The following CLRN3 variants were observed in gnomAD, a reference collection of about 807,000 sequenced individuals.
CLRN3 encodes the protein clarin 3, also known as clarin-3.
CLRN3 carries 12 observed loss-of-function variants against 16.7 expected under a neutral mutation model. The ratio of observed to expected loss-of-function variants is 0.72; its 90% confidence interval spans 0.46 to 1.16. The LOEUF is 1.16. Among genes scored for constraint, CLRN3 ranks in the 50% most tolerant of loss-of-function variants. CLRN3 has a pLI of 0.00. For missense variants in CLRN3, 296 were observed against 274.2 expected (o/e 1.08, Z -0.56); for synonymous variants, 118 against 113.0 (o/e 1.04, Z -0.28).
At chr10:127,883,953 T>G in intron 1 of CLRN3, 78 bp from the exon 2 acceptor site, 2 of 1,339,488 alleles carry the variant, frequency 1.5e-6, no homozygotes, top group Admixed American at 3.4e-5. Flanking sequence ...CACCCTACCC[T>G]CTTAGTGACT....
chr10:127,885,288 T>A (rs1306184110), intron 1 of CLRN3, among the ~76,000 whole-genome samples: 1 of 152,102 alleles, frequency 6.6e-6, no homozygotes, highest in Non-Finnish European at 1.5e-5. Context: ...CCCCTCCCCT[T>A]TCCCTCCTTG....
chr10:127,881,479 T>A (rs1405207597), intron 2 of CLRN3, among the ~76,000 whole-genome samples: 1 of 152,148 alleles, frequency 6.6e-6, no homozygotes, highest in Admixed American at 6.5e-5. Flanking sequence ...TCCCTGTTGT[T>A]CGGCCGGCGC....
At chr10:127,879,519 C>A (rs1475009842) in intron 2 of CLRN3, among the ~76,000 whole-genome samples, 1 of 151,802 alleles carries the variant, frequency 6.6e-6, no homozygotes, top group Non-Finnish European at 1.5e-5. Flanking sequence ...GTCATGTAGC[C>A]TTTCTGAGCC....
At chr10:127,884,826 C>T (rs775435069) in intron 1 of CLRN3, among the ~76,000 whole-genome samples, 9 of 152,302 alleles carry the variant, frequency 5.9e-5, no homozygotes, top group Non-Finnish European at 1.3e-4. Flanking sequence ...AAGCCCAGCC[C>T]AGCCACGGGC....
intron 1 of CLRN3, among the ~76,000 whole-genome samples, chr10:127,884,395 A>T (rs73374359): frequency 0.02 from 3,063 of 152,338 alleles, 103 homozygotes; most frequent in African/African-American, 0.07. Flanking sequence ...AGCCTAAGAA[A>T]GGTGACCAGG....
At chr10:127,888,027 G>A (rs1354604572) in intron 1 of CLRN3, among the ~76,000 whole-genome samples, 1 of 152,222 alleles carries the variant, frequency 6.6e-6, no homozygotes, top group Admixed American at 6.5e-5. Flanking sequence ...GGCTCCCCAT[G>A]CAGGAAAATG....
At chr10:127,887,643 T>C (rs776955877) in intron 1 of CLRN3, among the ~76,000 whole-genome samples, 2 of 152,194 alleles carry the variant, frequency 1.3e-5, no homozygotes, top group African/African-American at 4.8e-5. Flanking sequence ...TTTTCCGGCT[T>C]TCTGAATTTC....
At chr10:127,889,258 G>C (rs1200650188) in intron 1 of CLRN3, among the ~76,000 whole-genome samples, 1 of 152,142 alleles carries the variant, frequency 6.6e-6, no homozygotes, top group Non-Finnish European at 1.5e-5. Context: ...GGAGGTAGAG[G>C]CTGCAGTGAG....
In CLRN3 at chr10:127,892,929, G is replaced by A; in HGVS notation, c.-145C>T. 3.2e-6 allele frequency: 2 copies of A among 617,166 alleles called. No homozygotes were observed. Among genetic ancestry groups the A allele is most frequent in the Non-Finnish European group, 5.7e-6 (2 of 351,138 alleles). The allele number at this position is 617,166 out of a possible 1,614,324, so 38.2% of individuals were successfully genotyped here. A position where few individuals can be genotyped will look rare whatever the true frequency, so the allele number is the denominator to read the frequency against. On this transcript the variant is annotated 5_prime_UTR_variant, in exon 1 of 3. Coordinates refer to ENST00000368671, the MANE Select transcript of CLRN3 (RefSeq NM_152311.5). ...TAAAATCTCACTCTTCCTGAGGAAG[G>A]GTTATGCTAATGGACATTGAACTCT...
At chr10:127,880,725 C>G (rs1845118482) in intron 2 of CLRN3, among the ~76,000 whole-genome samples, 1 of 152,092 alleles carries the variant, frequency 6.6e-6, no homozygotes, top group Non-Finnish European at 1.5e-5. Context: ...CAAAGCAGAA[C>G]CTGCTTCTTT....
chr10:127,887,127 G>C (rs901258558), intron 1 of CLRN3, among the ~76,000 whole-genome samples: 4 of 152,000 alleles, frequency 2.6e-5, no homozygotes, highest in African/African-American at 7.3e-5. Flanking sequence ...CACTTGTTTT[G>C]AAAGTAATAG....
Position 127,892,640 on chromosome 10 carries a change from T to C in CLRN3, c.145A>G (p.Ile49Val). 6.2e-7 allele frequency: 1 copy of C among 1,613,238 alleles called. No homozygotes were observed. Among genetic ancestry groups the C allele is most frequent in the Non-Finnish European group, 8.5e-7 (1 of 1,179,156 alleles). ...AVRDSASNGS[I>V]FITYGLFRGE... ...CGAAAAAGTCCGTAAGTGATGAAAA[T>C]GCTCCCATTTGAAGCAGAGTCTCTA... Residue 49 changes from isoleucine (I) to valine (V), a missense_variant, in exon 1 of 3, where the codon ATT becomes GTT. Transcript: ENST00000368671.
intron 1 of CLRN3, among the ~76,000 whole-genome samples, chr10:127,888,417 C>G (rs556075540): frequency 2.0e-5 from 3 of 152,344 alleles, no homozygotes; most frequent in Admixed American, 2.0e-4. Context: ...AACCTGCTCT[C>G]CAGGAGAATC....
At chr10:127,887,899 C>G (rs1845215262) in intron 1 of CLRN3, among the ~76,000 whole-genome samples, 1 of 152,166 alleles carries the variant, frequency 6.6e-6, no homozygotes, top group Non-Finnish European at 1.5e-5. Flanking sequence ...CAGGAGAGAG[C>G]CAAGAACAAC....
chr10:127,878,220 C>T lies in CLRN3; in HGVS notation c.610G>A (p.Ala204Thr), dbSNP rs564221363. The change falls in exon 3 of 3, where the codon GCC (alanine) becomes ACC (threonine). Residue 204 changes from alanine to threonine, a missense_variant. By Grantham distance (58) the Ala-to-Thr change is moderately conservative. Coordinates refer to ENST00000368671, the MANE Select transcript of CLRN3 (RefSeq NM_152311.5). ...TGCTCCTGCTTCCGCTGGTATCTGG[C>T]CTTCTGGTAGAAAATGATGATGGTT... ...TVTIIIFYQK[A>T]RYQRKQEQRK... 16 of 1,614,160 alleles carry T rather than the reference C, an allele frequency of 9.9e-6. No individual in the cohort carries two copies. The Admixed American group carries it at 1.2e-4, about 12-fold the overall frequency.
chr10:127,886,499 G>T (rs1400201348), intron 1 of CLRN3, among the ~76,000 whole-genome samples: 1 of 152,184 alleles, frequency 6.6e-6, no homozygotes, highest in African/African-American at 2.4e-5. Flanking sequence ...GGGAGGGGGA[G>T]AAGCCCCAGA....
intron 2 of CLRN3, among the ~76,000 whole-genome samples, chr10:127,878,836 C>T (rs1293967536): frequency 2.6e-5 from 4 of 152,160 alleles, no homozygotes; most frequent in Admixed American, 6.5e-5. Flanking sequence ...TAAAAAGACC[C>T]TGGGTGGGCA....
rs534972482 is a variant in CLRN3 at position 127,884,295 on chromosome 10, CACCCTGAAA to C, written c.230-429_230-421del. Among the ~76,000 whole-genome samples, 882 of 152,334 alleles carry C rather than the reference CACCCTGAAA, an allele frequency of 5.8e-3. 2 individuals are homozygous for C. Among genetic ancestry groups the C allele is most frequent in the Non-Finnish European group, 8.7e-3 (594 of 68,026 alleles). On this transcript the variant is annotated intron_variant, in intron 1 of 2. Transcript: ENST00000368671. ...ACTTGGAGGCACTCACAGGGTAGGT[CACCCTGAAA>C]ACCTGTGCACTGTGAGAATCCCACA...
intron 2 of CLRN3, among the ~76,000 whole-genome samples, chr10:127,880,485 C>T (rs968854378): frequency 2.6e-5 from 4 of 152,192 alleles, no homozygotes; most frequent in African/African-American, 9.7e-5. Context: ...CTGTGACCAT[C>T]GGGCCCTGTG....
Sources: allele counts gnomAD v4.1 joint callset (sites outside exome capture counted in the v4.1 genomes callset), GRCh38; gene constraint gnomAD v4.1.1; transcripts MANE v1.5; gene names NCBI Gene and HGNC (gene_info 2026-07-23, HGNC 2026-07-21).